WSCD2: variants seen among roughly 807,000 people sequenced by gnomAD.
WSCD2 encodes the protein WSC domain sialate O sulfotransferase 2, also known as sialate:O-sulfotransferase 2.
WSCD2 carries 28 observed loss-of-function variants against 55.7 expected under a neutral mutation model. That is an observed-to-expected ratio of 0.50 (90% confidence interval 0.37 to 0.69). The LOEUF is 0.69. Ranked by LOEUF, WSCD2 falls within the 30% of genes least tolerant of loss-of-function variation. The pLI, the probability that WSCD2 is intolerant of heterozygous loss-of-function variation, is 0.00. For missense variants in WSCD2, 616 were observed against 762.1 expected, an observed-to-expected ratio of 0.81 and a Z score of 2.26; for synonymous variants, 301 against 301.9, an observed-to-expected ratio of 1.00 and a Z score of 0.03.
chr12:108,187,440 A>G (rs1882643368), intron 1 of WSCD2, among the ~76,000 whole-genome samples: 1 of 152,234 alleles, frequency 6.6e-6, no homozygotes, highest in Non-Finnish European at 1.5e-5. Context: ...AACTGTCATG[A>G]CAGGTTTAGC....
At chr12:108,152,549 G>A (rs951919089) in intron 1 of WSCD2, among the ~76,000 whole-genome samples, 2 of 152,114 alleles carry the variant, frequency 1.3e-5, no homozygotes, top group Non-Finnish European at 2.9e-5. Flanking sequence ...GGATGATGAC[G>A]AACTTCCCCT....
chr12:108,228,655 G>A (rs530248241), intron 6 of WSCD2, among the ~76,000 whole-genome samples: 51 of 152,332 alleles, frequency 3.3e-4, no homozygotes, highest in African/African-American at 1.2e-3. Context: ...TGTGTGCCCT[G>A]GATGGCAGAA....
intron 1 of WSCD2, among the ~76,000 whole-genome samples, chr12:108,175,902 C>T (rs532557791): frequency 2.6e-5 from 4 of 152,200 alleles, no homozygotes; most frequent in South Asian, 2.1e-4. Flanking sequence ...TGCAGTGGCA[C>T]GATCTTGGCT....
chr12:108,181,928 C>T (rs751178986), intron 1 of WSCD2, among the ~76,000 whole-genome samples: 10 of 152,236 alleles, frequency 6.6e-5, no homozygotes, highest in Admixed American at 2.0e-4. Flanking sequence ...AGATGCTTTG[C>T]ATGCCATATT....
At chr12:108,132,146 C>T (rs761731375) in intron 1 of WSCD2, among the ~76,000 whole-genome samples, 1 of 151,344 alleles carries the variant, frequency 6.6e-6, no homozygotes, top group Admixed American at 6.6e-5. Context: ...TTTTTTTCTG[C>T]GTGGTTCTGA....
At chr12:108,177,552 A>C (rs1881052912) in intron 1 of WSCD2, among the ~76,000 whole-genome samples, 1 of 152,178 alleles carries the variant, frequency 6.6e-6, no homozygotes, top group African/African-American at 2.4e-5. Context: ...GCCTGTCTCA[A>C]GGGGTTTTTA....
At chr12:108,181,144 T>C (rs1037365514) in intron 1 of WSCD2, among the ~76,000 whole-genome samples, 17 of 152,302 alleles carry the variant, frequency 1.1e-4, no homozygotes, top group African/African-American at 4.1e-4. Flanking sequence ...AAGGAGCTTA[T>C]CCATCCCCTT....
At chr12:108,216,735 T>C (rs1886876079) in intron 4 of WSCD2, among the ~76,000 whole-genome samples, 2 of 152,354 alleles carry the variant, frequency 1.3e-5, no homozygotes, top group South Asian at 4.1e-4. Flanking sequence ...AGGATGGTAT[T>C]GAACAAACCT....
At chr12:108,149,107 C>T (rs1433717787) in intron 1 of WSCD2, among the ~76,000 whole-genome samples, 1 of 152,182 alleles carries the variant, frequency 6.6e-6, no homozygotes, top group African/African-American at 2.4e-5. Context: ...GAGTGATTTG[C>T]AGGAAACCCT....
At chr12:108,175,747 ATCCTCTT>A (rs1434492422) in intron 1 of WSCD2, among the ~76,000 whole-genome samples, 9 of 152,238 alleles carry the variant, frequency 5.9e-5, no homozygotes, top group Non-Finnish European at 1.3e-4. Context: ...GCAGGCGTTA[ATCCTCTT>A]GGAAGCATCC....
intron 8 of WSCD2, 98 bp from the exon 9 acceptor site, chr12:108,247,893 G>A (rs1051390886): frequency 4.5e-5 from 58 of 1,281,564 alleles, no homozygotes; most frequent in Non-Finnish European, 6.0e-5. Context: ...GTGTTACCGT[G>A]TTGTGCTGTG....
chr12:108,222,664 A>AT (rs1887662287), intron 4 of WSCD2, among the ~76,000 whole-genome samples: 2 of 152,094 alleles, frequency 1.3e-5, no homozygotes, highest in East Asian at 1.9e-4. Flanking sequence ...GCCACTTAAA[A>AT]TTTTTTTTAA....
intron 1 of WSCD2, among the ~76,000 whole-genome samples, chr12:108,144,704 C>G (rs1275727896): frequency 6.6e-6 from 1 of 152,174 alleles, no homozygotes; most frequent in African/African-American, 2.4e-5. Context: ...AAAACTGCAG[C>G]CCCAGCAGCC....
intron 1 of WSCD2, among the ~76,000 whole-genome samples, chr12:108,148,464 G>A (rs1006766643): frequency 1.8e-4 from 27 of 151,710 alleles, no homozygotes; most frequent in African/African-American, 6.3e-4. Context: ...ATGGCGGTGG[G>A]TAGTGTGGGA....
intron 1 of WSCD2, among the ~76,000 whole-genome samples, chr12:108,185,443 T>C (rs546107841): frequency 1.3e-5 from 2 of 152,228 alleles, no homozygotes; most frequent in African/African-American, 4.8e-5. Flanking sequence ...ACTGTCTCCT[T>C]GTCATTTTGC....
In WSCD2 at chr12:108,248,474, C is replaced by G; in HGVS notation, c.*131C>G. 1 of 1,437,762 alleles carries G rather than the reference C, an allele frequency of 7.0e-7. No homozygotes were observed. Among genetic ancestry groups the G allele is most frequent in the Non-Finnish European group, 9.1e-7 (1 of 1,098,532 alleles). The allele number at this position is 1,437,762 out of a possible 1,614,324, so 89.1% of individuals were successfully genotyped here. A position where few individuals can be genotyped will look rare whatever the true frequency, so the allele number is the denominator to read the frequency against. ...GACAATCCCCTTGGCTGCTCTTTGC[C>G]TTCAATGAGTTTCCTGCATGACAGA... On this transcript the variant is annotated 3_prime_UTR_variant, in exon 9 of 9. Transcript: ENST00000547525. This position sits in a 1 kb window ranked among gnomAD's most constrained non-coding sequence, Gnocchi z 4.3.
chr12:108,178,640 C>A (rs1447451167), intron 1 of WSCD2, among the ~76,000 whole-genome samples: 1 of 152,192 alleles, frequency 6.6e-6, no homozygotes, highest in East Asian at 1.9e-4. Flanking sequence ...AGATCCTACA[C>A]CTTCTTAGAA....
chr12:108,238,724 C>A (rs1247658997), intron 7 of WSCD2, among the ~76,000 whole-genome samples: 1 of 152,180 alleles, frequency 6.6e-6, no homozygotes, highest in Non-Finnish European at 1.5e-5. Flanking sequence ...GGGTTGTAAA[C>A]ACAGCCAGTA....
At chr12:108,162,237 C>T (rs1287239408) in intron 1 of WSCD2, among the ~76,000 whole-genome samples, 1 of 152,198 alleles carries the variant, frequency 6.6e-6, no homozygotes, top group Admixed American at 6.5e-5. Flanking sequence ...CTCATTTCCT[C>T]CTTTGGGCTT....
Sources: gnomAD v4.1 joint callset for allele counts (sites outside exome capture counted in the v4.1 genomes callset) on GRCh38, gnomAD v4.1.1 for gene constraint, Gnocchi (gnomAD v3.1) non-coding constraint, MANE v1.5 for transcripts, NCBI Gene and HGNC (gene_info 2026-07-23, HGNC 2026-07-21) for gene names.